The following ARMC2 variants were observed in gnomAD, a reference collection of about 807,000 sequenced individuals.
ARMC2 encodes the protein armadillo repeat containing 2.
In ARMC2, 67 loss-of-function variants were observed where a neutral mutation model predicts 90.3. The observed-to-expected ratio is 0.74, with a 90% CI of 0.61 to 0.91. ARMC2 has a LOEUF of 0.91. Among genes scored for constraint, ARMC2 ranks in the 40% least tolerant of loss-of-function variants. The pLI, the probability that ARMC2 is intolerant of heterozygous loss-of-function variation, is 0.00. For missense variants in ARMC2, 920 were observed against 1,030.9 expected, an observed-to-expected ratio of 0.89 and a Z score of 1.47; for synonymous variants, 393 against 393.0, an observed-to-expected ratio of 1.00 and a Z score of 0.00.
At chr6:108,860,205 G>C (rs1344461464) in intron 3 of ARMC2, among the ~76,000 whole-genome samples, 1 of 151,534 alleles carries the variant, frequency 6.6e-6, no homozygotes, top group East Asian at 1.9e-4. Context: ...ATAGTAGTCT[G>C]TTCTTATTTC....
At chr6:108,963,363 A>G in intron 15 of ARMC2, among the ~76,000 whole-genome samples, 1 of 152,230 alleles carries the variant, frequency 6.6e-6, no homozygotes, top group East Asian at 1.9e-4. Flanking sequence ...GCAGCAAACC[A>G]TGCCCCATCC....
At chr6:108,978,833 T>TC (rs955662159), downstream of ARMC2, among the ~76,000 whole-genome samples, 2 of 151,420 alleles carry the variant, frequency 1.3e-5, no homozygotes, top group Non-Finnish European at 3.0e-5. Flanking sequence ...TTTTTTTTTT[T>TC]CTTTCTGTTT....
At chr6:108,990,023 G>A in the ARMC2 span, among the ~76,000 whole-genome samples, 1 of 152,160 alleles carries the variant, frequency 6.6e-6, no homozygotes, top group African/African-American at 2.4e-5. Context: ...GGGTTTGTAG[G>A]TTTTGACCAG....
At chr6:108,978,214 G>T (rs1779022735), downstream of ARMC2, among the ~76,000 whole-genome samples, 1 of 152,114 alleles carries the variant, frequency 6.6e-6, no homozygotes, top group South Asian at 2.1e-4. Flanking sequence ...GTTCTCATTG[G>T]TTTCAAAGAA....
intron 10 of ARMC2, among the ~76,000 whole-genome samples, chr6:108,922,320 G>C (rs773706647): frequency 2.0e-5 from 3 of 151,878 alleles, no homozygotes; most frequent in Non-Finnish European, 4.4e-5. Context: ...AGGTTGGAGT[G>C]CGGTGGTGCG....
chr6:108,980,122 C>T, the ARMC2 span, among the ~76,000 whole-genome samples: 2 of 152,074 alleles, frequency 1.3e-5, no homozygotes, highest in Non-Finnish European at 2.9e-5. Flanking sequence ...TCCCCATCTT[C>T]GTGGATTTAC....
the ARMC2 span, among the ~76,000 whole-genome samples, chr6:108,981,454 G>A: frequency 2.6e-5 from 4 of 152,066 alleles, no homozygotes; most frequent in African/African-American, 4.8e-5. Flanking sequence ...GACGCTATAC[G>A]CACCAAACAA....
chr6:108,882,438 CAAA>C (rs61688419), intron 5 of ARMC2, among the ~76,000 whole-genome samples: 21 of 126,440 alleles, frequency 1.7e-4, no homozygotes, highest in East Asian at 2.3e-4. Flanking sequence ...GACTCCCTCT[CAAA>C]AAAAAAAAAA....
intron 10 of ARMC2, among the ~76,000 whole-genome samples, chr6:108,913,782 C>A (rs1773669011): frequency 1.3e-5 from 2 of 152,140 alleles, no homozygotes; most frequent in Admixed American, 1.3e-4. Context: ...TCTTCCCTCC[C>A]TGTTTCTCCT....
chr6:108,865,176 T>A (rs1006637523), intron 3 of ARMC2, among the ~76,000 whole-genome samples: 1 of 151,630 alleles, frequency 6.6e-6, no homozygotes, highest in Non-Finnish European at 1.5e-5. Flanking sequence ...AGAGATGGGG[T>A]TTCATCATGT....
At chr6:108,880,170 T>C (rs1478627550) in intron 5 of ARMC2, 4 of 356,670 alleles carry the variant, frequency 1.1e-5, no homozygotes, top group African/African-American at 2.1e-5. Context: ...GAAGCAAACT[T>C]TACACTGCAG....
chr6:108,894,825 G>A (rs1771441385), intron 6 of ARMC2, among the ~76,000 whole-genome samples: 3 of 139,750 alleles, frequency 2.1e-5, no homozygotes, highest in African/African-American at 8.1e-5. Flanking sequence ...GGAGTGCAGT[G>A]GTGCAATCTC....
intron 1 of ARMC2, chr6:108,848,926 G>C (rs1773720686): frequency 6.6e-6 from 1 of 152,206 alleles, no homozygotes; most frequent in African/African-American, 2.4e-5. Context: ...ATGCTGTCAG[G>C]GGTCCGGAGC....
the ARMC2 span, among the ~76,000 whole-genome samples, chr6:109,030,802 C>T: frequency 6.6e-6 from 1 of 152,108 alleles, no homozygotes; most frequent in African/African-American, 2.4e-5. Flanking sequence ...CTTACAACAA[C>T]CTTGTAAGAT....
the ARMC2 span, among the ~76,000 whole-genome samples, chr6:109,042,976 G>A: frequency 1.3e-5 from 2 of 151,986 alleles, no homozygotes; most frequent in African/African-American, 4.8e-5. Flanking sequence ...ATTCCACAAT[G>A]TATAAAAAGC....
At chr6:108,883,674 TTCTC>T (rs1423128441) in intron 5 of ARMC2, among the ~76,000 whole-genome samples, 2 of 152,230 alleles carry the variant, frequency 1.3e-5, no homozygotes, top group East Asian at 1.9e-4. Flanking sequence ...TTAGAAACTA[TTCTC>T]TCTTTGTGAA....
the ARMC2 span, among the ~76,000 whole-genome samples, chr6:109,039,710 G>A: frequency 1.3e-5 from 2 of 152,196 alleles, no homozygotes; most frequent in Non-Finnish European, 2.9e-5. Flanking sequence ...TACTAGAAAC[G>A]AGAACCAGTA....
intron 16 of ARMC2, among the ~76,000 whole-genome samples, chr6:108,964,688 C>T (rs958787671): frequency 1.3e-5 from 2 of 151,904 alleles, no homozygotes; most frequent in African/African-American, 4.8e-5. Context: ...GCAGGAGAAT[C>T]GCTTGAATCC....
chr6:109,002,604 G>T, the ARMC2 span, among the ~76,000 whole-genome samples: 7 of 152,114 alleles, frequency 4.6e-5, no homozygotes, highest in Non-Finnish European at 1.0e-4. Flanking sequence ...AGAAAGTCTA[G>T]AACAGAAAGT....
Sources: gnomAD v4.1 joint callset for allele counts (sites outside exome capture counted in the v4.1 genomes callset) on GRCh38, gnomAD v4.1.1 for gene constraint, MANE v1.5 for transcripts, NCBI Gene and HGNC (gene_info 2026-07-23, HGNC 2026-07-21) for gene names.